Variants in PRKAR2B observed in about 807,000 individuals in gnomAD.
The protein encoded by PRKAR2B is protein kinase cAMP-dependent type II regulatory subunit beta, also known as cAMP-dependent protein kinase type II-beta regulatory subunit.
In PRKAR2B, 14 loss-of-function variants were observed where a neutral mutation model predicts 49.9. The observed-to-expected ratio is 0.28, with a 90% CI of 0.19 to 0.44. The LOEUF (loss-of-function observed/expected upper bound fraction) is 0.44. PRKAR2B is among the 20% of genes least tolerant of loss of function. The pLI, the probability that PRKAR2B is intolerant of heterozygous loss-of-function variation, is 1.00. For synonymous variants in PRKAR2B, 196 were observed against 197.7 expected, an observed-to-expected ratio of 0.99 and a Z score of 0.07; for missense variants, 393 against 537.9, an observed-to-expected ratio of 0.73 and a Z score of 2.67.
intron 2 of PRKAR2B, among the ~76,000 whole-genome samples, chr7:107,074,895 C>T (rs1425795591): frequency 6.6e-6 from 1 of 151,920 alleles, no homozygotes; most frequent in Admixed American, 6.6e-5. Flanking sequence ...AGAAATAATC[C>T]TGTTGCTTCA....
At chr7:107,054,215 G>A (rs896237738) in intron 1 of PRKAR2B, among the ~76,000 whole-genome samples, 7 of 152,168 alleles carry the variant, frequency 4.6e-5, no homozygotes, top group South Asian at 2.1e-4. Context: ...TTAGCCTGGC[G>A]TGGTGGCAGT....
intron 4 of PRKAR2B, among the ~76,000 whole-genome samples, chr7:107,131,002 G>T (rs1008349783): frequency 6.6e-6 from 1 of 152,150 alleles, no homozygotes; most frequent in Non-Finnish European, 1.5e-5. Flanking sequence ...GGATTCTCAT[G>T]GTCTGGAGTG....
At chr7:107,115,330 G>C (rs1194738376) in intron 2 of PRKAR2B, among the ~76,000 whole-genome samples, 1 of 152,040 alleles carries the variant, frequency 6.6e-6, no homozygotes, top group African/African-American at 2.4e-5. Context: ...GAACATCGCT[G>C]GTCTGGGAAT....
chr7:107,080,752 A>C (rs1358739605), intron 2 of PRKAR2B, among the ~76,000 whole-genome samples: 1 of 152,268 alleles, frequency 6.6e-6, no homozygotes, highest in Non-Finnish European at 1.5e-5. Flanking sequence ...TCTTAGGTAC[A>C]GAAGGCAATA....
rs187918889 is a variant in PRKAR2B at position 107,048,377 on chromosome 7, C to G, written c.307+3163C>G. On this transcript the variant is annotated intron_variant, in intron 1 of 10. Coordinates refer to ENST00000265717, the MANE Select transcript of PRKAR2B (RefSeq NM_002736.3). Reference sequence around the variant, plus strand: ...AAATGGAATTTGTTCTGTGGGCTGACTCACAAGTCAGGTTTTCCTGTTTTT... The same window carrying G: ...AAATGGAATTTGTTCTGTGGGCTGAGTCACAAGTCAGGTTTTCCTGTTTTT... Among the ~76,000 whole-genome samples, 5 of 152,100 alleles carry G rather than the reference C, an allele frequency of 3.3e-5. No homozygotes were observed. In the East Asian group the frequency reaches 9.6e-4, roughly 29 times the overall value.
At chr7:107,082,433 A>G (rs1207150310) in intron 2 of PRKAR2B, among the ~76,000 whole-genome samples, 1 of 152,158 alleles carries the variant, frequency 6.6e-6, no homozygotes, top group East Asian at 1.9e-4. Flanking sequence ...TGTATTTTAA[A>G]TACATTTCTT....
At position 107,125,077 on chromosome 7, in the gene PRKAR2B, GA is replaced by G. The variant is rs1795460247; in HGVS notation, c.396+3074del. Among the ~76,000 whole-genome samples the G allele has an allele frequency of 2.6e-5, 4 of 151,544 alleles. 1 individual carries two copies. The South Asian group carries it at 8.3e-4, about 31-fold the overall frequency. ...TGTCAGGAAATATTATCATTTGTTT[GA>G]TTTTTTTTCCCCCAGTCATTAAAAA... On this transcript the variant is annotated intron_variant, in intron 3 of 10. Transcript: ENST00000265717.
chr7:107,057,897 A>T (rs530325625), intron 1 of PRKAR2B, among the ~76,000 whole-genome samples: 1 of 152,212 alleles, frequency 6.6e-6, no homozygotes, highest in African/African-American at 2.4e-5. Context: ...AAGCCAGTAT[A>T]GTAATAGTAC....
At chr7:107,056,912 G>A (rs1793926437) in intron 1 of PRKAR2B, among the ~76,000 whole-genome samples, 1 of 152,186 alleles carries the variant, frequency 6.6e-6, no homozygotes, top group Non-Finnish European at 1.5e-5. Flanking sequence ...CAGAACGCAC[G>A]TGCACAGGCT....
chr7:107,082,102 G>A (rs1562850590), intron 2 of PRKAR2B: 1 of 152,154 alleles, frequency 6.6e-6, no homozygotes, highest in Admixed American at 6.5e-5. Context: ...CAGGAGAAAT[G>A]GAAAACAGGT....
At chr7:107,053,492 T>C (rs1428434715) in intron 1 of PRKAR2B, among the ~76,000 whole-genome samples, 3 of 151,756 alleles carry the variant, frequency 2.0e-5, no homozygotes, top group Non-Finnish European at 4.4e-5. Flanking sequence ...TGATCAATTT[T>C]GGTTCCCTGA....
chr7:107,086,982 T>C (rs1375647351), intron 2 of PRKAR2B, among the ~76,000 whole-genome samples: 2 of 152,186 alleles, frequency 1.3e-5, no homozygotes, highest in Non-Finnish European at 2.9e-5. Flanking sequence ...TTATGTATAC[T>C]TCATGGCTTT....
intron 1 of PRKAR2B, among the ~76,000 whole-genome samples, chr7:107,065,966 G>A (rs1032081257): frequency 6.6e-6 from 1 of 152,194 alleles, no homozygotes; most frequent in African/African-American, 2.4e-5. Flanking sequence ...ACTTGAATCA[G>A]TTACACTTCT....
At chr7:107,050,424 A>G (rs888119973) in intron 1 of PRKAR2B, among the ~76,000 whole-genome samples, 2 of 121,012 alleles carry the variant, frequency 1.7e-5, no homozygotes, top group East Asian at 2.8e-4. Flanking sequence ...TTGAATGGTT[A>G]TTTTATTGTT....
At chr7:107,154,446 A>G (rs887178597) in intron 8 of PRKAR2B, among the ~76,000 whole-genome samples, 2 of 152,216 alleles carry the variant, frequency 1.3e-5, no homozygotes, top group African/African-American at 4.8e-5. Flanking sequence ...TAATAGACCT[A>G]TTATGATTCA....
intron 4 of PRKAR2B, among the ~76,000 whole-genome samples, chr7:107,136,379 A>C (rs1795702095): frequency 6.6e-6 from 1 of 152,184 alleles, no homozygotes; most frequent in African/African-American, 2.4e-5. Context: ...GCAGAATGAA[A>C]AGACAGGCTC....
chr7:107,117,039 C>A (rs970351397), intron 2 of PRKAR2B, among the ~76,000 whole-genome samples: 2 of 145,210 alleles, frequency 1.4e-5, no homozygotes, highest in Non-Finnish European at 3.0e-5. Flanking sequence ...TCATCCCCTA[C>A]CCCCAGTCTT....
intron 2 of PRKAR2B, chr7:107,078,201 C>CAAAAAAAAAAA (rs66861003): frequency 1.7e-5 from 2 of 116,844 alleles, no homozygotes; most frequent in East Asian, 2.5e-4. Context: ...GATACTCCAT[C>CAAAAAAAAAAA]AAAAAAAAAA....
intron 1 of PRKAR2B, among the ~76,000 whole-genome samples, chr7:107,055,310 T>G (rs1300024983): frequency 1.3e-5 from 2 of 152,234 alleles, no homozygotes; most frequent in Non-Finnish European, 2.9e-5. Flanking sequence ...TGTTTTATAA[T>G]CCTTTGGGTA....
Sources: allele counts gnomAD v4.1 joint callset (sites outside exome capture counted in the v4.1 genomes callset), GRCh38; gene constraint gnomAD v4.1.1; transcripts MANE v1.5; gene names NCBI Gene and HGNC (gene_info 2026-07-23, HGNC 2026-07-21).